LYPD6: variants seen among roughly 807,000 people sequenced by gnomAD.
The protein encoded by LYPD6 is ly6/PLAUR domain-containing protein 6.
LYPD6 carries 15 observed loss-of-function variants against 22.7 expected under a neutral mutation model. The ratio of observed to expected loss-of-function variants is 0.66; its 90% CI spans 0.44 to 1.02. The LOEUF is 1.02. Ranked by LOEUF, LYPD6 falls within the 50% of genes least tolerant of loss-of-function variation. The pLI is 0.00. For synonymous variants in LYPD6, 72 were observed against 77.5 expected, an observed-to-expected ratio of 0.93 and a Z score of 0.37; for missense variants, 189 against 208.4, an observed-to-expected ratio of 0.91 and a Z score of 0.57.
chr2:149,378,605 TG>T (rs1681987532), intron 1 of LYPD6, among the ~76,000 whole-genome samples: 1 of 152,350 alleles, frequency 6.6e-6, no homozygotes, highest in South Asian at 2.1e-4. Flanking sequence ...TATTTTCGTT[TG>T]TACAGATCGT....
chr2:149,400,488 G>A (rs541519823), intron 1 of LYPD6, among the ~76,000 whole-genome samples: 4 of 152,144 alleles, frequency 2.6e-5, no homozygotes, highest in Admixed American at 6.5e-5. Flanking sequence ...CATGAGAGAC[G>A]AACAAGTATT....
At chr2:149,374,025 G>A (rs1351611823) in intron 1 of LYPD6, among the ~76,000 whole-genome samples, 3 of 152,118 alleles carry the variant, frequency 2.0e-5, no homozygotes, top group Admixed American at 6.5e-5. Flanking sequence ...CATGATAATT[G>A]ATTCATATTG....
At chr2:149,359,887 T>C (rs1217649087) in intron 1 of LYPD6, among the ~76,000 whole-genome samples, 1 of 152,096 alleles carries the variant, frequency 6.6e-6, no homozygotes, top group African/African-American at 2.4e-5. Context: ...TATTGTAAAG[T>C]GAAAGTAAGT....
chr2:149,464,704 G>A (rs1023148064), intron 3 of LYPD6, among the ~76,000 whole-genome samples: 3 of 152,050 alleles, frequency 2.0e-5, no homozygotes, highest in Non-Finnish European at 4.4e-5. Context: ...TGTGCGTGGC[G>A]GGTTGCATGT....
chr2:149,432,786 G>A (rs1263435975), intron 1 of LYPD6, among the ~76,000 whole-genome samples: 1 of 152,116 alleles, frequency 6.6e-6, no homozygotes, highest in African/African-American at 2.4e-5. Flanking sequence ...GGAGGGCATG[G>A]TAAGAGATGA....
chr2:149,381,118 C>T (rs1467118987), intron 1 of LYPD6, among the ~76,000 whole-genome samples: 1 of 151,926 alleles, frequency 6.6e-6, no homozygotes, highest in Non-Finnish European at 1.5e-5. Flanking sequence ...GAGTTGACAA[C>T]AAAATGGAAG....
At chr2:149,407,217 T>C (rs1381034875) in intron 1 of LYPD6, among the ~76,000 whole-genome samples, 1 of 152,156 alleles carries the variant, frequency 6.6e-6, no homozygotes, top group African/African-American at 2.4e-5. Flanking sequence ...TGTCTTGGAG[T>C]TGCTCTTCTG....
At chr2:149,457,547 T>C (rs1325035457) in intron 3 of LYPD6, among the ~76,000 whole-genome samples, 1 of 152,198 alleles carries the variant, frequency 6.6e-6, no homozygotes, top group Non-Finnish European at 1.5e-5. Flanking sequence ...CTGCCCGAAG[T>C]ATATTTGTCA....
At chr2:149,438,749 C>T (rs370287486) in intron 2 of LYPD6, among the ~76,000 whole-genome samples, 7 of 152,336 alleles carry the variant, frequency 4.6e-5, no homozygotes, top group East Asian at 3.9e-4. Flanking sequence ...CTTCAATCCA[C>T]GTGGTTGGAA....
At chr2:149,453,853 A>AT (rs1039594365) in intron 3 of LYPD6, among the ~76,000 whole-genome samples, 9 of 152,000 alleles carry the variant, frequency 5.9e-5, no homozygotes, top group Middle Eastern at 3.4e-3. Flanking sequence ...TAGCCCTCCA[A>AT]TTTTTTTTCA....
chr2:149,404,931 T>G (rs1301455928), intron 1 of LYPD6, among the ~76,000 whole-genome samples: 2 of 152,060 alleles, frequency 1.3e-5, no homozygotes, highest in Non-Finnish European at 2.9e-5. Context: ...TGATTGAGAG[T>G]TTTTAGCATG....
At position 149,473,391 on chromosome 2, in the gene LYPD6, C is replaced by T. The variant is rs1681387333; in HGVS notation, c.*2541C>T. The T allele has an allele frequency of 6.6e-6, 1 of 152,636 alleles. No homozygotes were observed. Among genetic ancestry groups the T allele is most frequent in the Non-Finnish European group, 1.5e-5 (1 of 68,040 alleles). The allele number at this position is 152,636 out of a possible 1,614,324, so 9.5% of individuals were successfully genotyped here. A position where few individuals can be genotyped will look rare whatever the true frequency, so the allele number is the denominator to read the frequency against. On this transcript the variant is annotated 3_prime_UTR_variant, in exon 5 of 5. Coordinates refer to ENST00000334166, the MANE Select transcript of LYPD6 (RefSeq NM_194317.5). ...CAAGGAGCCAAGGAAGAGTCATTCA[C>T]ATGGAAGGTCCGGGACTGGTCAGCC... is the stretch of plus-strand genomic sequence containing the variant.
chr2:149,461,231 A>T (rs558308022), intron 3 of LYPD6, among the ~76,000 whole-genome samples: 2 of 152,004 alleles, frequency 1.3e-5, no homozygotes, highest in African/African-American at 4.8e-5. Flanking sequence ...GGAGAAAAAC[A>T]TTAAGGTACT....
chr2:149,404,987 A>G (rs1268625424), intron 1 of LYPD6, among the ~76,000 whole-genome samples: 3 of 152,162 alleles, frequency 2.0e-5, no homozygotes, highest in African/African-American at 7.2e-5. Context: ...ATCTATTGAG[A>G]TAATCATGTG....
intron 1 of LYPD6, among the ~76,000 whole-genome samples, chr2:149,428,629 A>G (rs990451597): frequency 6.6e-6 from 1 of 152,198 alleles, no homozygotes; most frequent in African/African-American, 2.4e-5. Context: ...AATGTCCAAC[A>G]CTGACCCAAA....
intron 1 of LYPD6, among the ~76,000 whole-genome samples, chr2:149,348,427 G>T (rs1681299729): frequency 6.6e-6 from 1 of 152,212 alleles, no homozygotes; most frequent in Non-Finnish European, 1.5e-5. Context: ...TTTAACTGTG[G>T]TTGTCATGGA....
intron 1 of LYPD6, among the ~76,000 whole-genome samples, chr2:149,357,039 GT>G (rs1477435847): frequency 6.6e-6 from 1 of 151,968 alleles, no homozygotes; most frequent in Non-Finnish European, 1.5e-5. Flanking sequence ...GCCATTCTGT[GT>G]TTTTTCCCCA....
chr2:149,387,168 A>G (rs141182417), intron 1 of LYPD6, among the ~76,000 whole-genome samples: 8 of 152,352 alleles, frequency 5.3e-5, no homozygotes, highest in Non-Finnish European at 7.3e-5. Context: ...CTCTATTTTT[A>G]TATAATATTA....
At chr2:149,405,617 T>C (rs988193591) in intron 1 of LYPD6, among the ~76,000 whole-genome samples, 2 of 152,230 alleles carry the variant, frequency 1.3e-5, no homozygotes, top group Non-Finnish European at 2.9e-5. Flanking sequence ...ATTTGATTCT[T>C]CTCTGTTTTC....
Sources: gnomAD v4.1 joint callset for allele counts (sites outside exome capture counted in the v4.1 genomes callset) on GRCh38, gnomAD v4.1.1 for gene constraint, MANE v1.5 for transcripts, NCBI Gene and HGNC (gene_info 2026-07-23, HGNC 2026-07-21) for gene names.